DNAH14: variants seen among roughly 807,000 people sequenced by gnomAD.
The protein encoded by DNAH14 is axonemal beta dynein heavy chain 14.
A neutral mutation model predicts 520.9 loss-of-function variants in DNAH14; 478 were observed. The observed-to-expected ratio is 0.92, with a 90% CI of 0.85 to 0.99. DNAH14 has a LOEUF of 0.99. Ranked by LOEUF, DNAH14 falls within the 50% of genes least tolerant of loss-of-function variation. The pLI, the probability that DNAH14 is intolerant of heterozygous loss-of-function variation, is 0.00. For missense variants in DNAH14, 4,831 were observed against 5,234.5 expected (o/e 0.92, Z 2.38); for synonymous variants, 1,581 against 1,757.2 (o/e 0.90, Z 2.51).
At position 225,089,464 on chromosome 1, in the gene DNAH14, A is replaced by AAG. The variant is rs1553439212; in HGVS notation, c.3573+3680_3573+3681dup. Among the ~76,000 whole-genome samples, 871 of 137,490 alleles carry AAG rather than the reference A, an allele frequency of 6.3e-3. 3 individuals carry two copies. The highest frequency in any genetic ancestry group is 0.011 in the Non-Finnish European group (670 of 62,354). The allele number at this position is 137,490 out of a possible 152,430, so 90.2% of individuals were successfully genotyped here. Reference sequence around the variant, plus strand: ...CGTCAAAAAAAAAAAAAAAAAAAAAAAGAGAGCGAGAGAAAGAAAAGAAAA... The same window carrying AAG: ...CGTCAAAAAAAAAAAAAAAAAAAAAAAGAGAGAGCGAGAGAAAGAAAAGAAAA... On this transcript the variant is annotated intron_variant, in intron 21 of 85. Coordinates refer to ENST00000682510, the MANE Select transcript of DNAH14 (RefSeq NM_001367479.1).
intron 23 of DNAH14, among the ~76,000 whole-genome samples, chr1:225,101,382 T>C (rs138268493): frequency 0.016 from 2,363 of 152,216 alleles, 20 homozygotes; most frequent in Non-Finnish European, 0.025. Flanking sequence ...AATCTTTTAG[T>C]TATTTTTAAA....
intron 31 of DNAH14, among the ~76,000 whole-genome samples, chr1:225,148,562 C>T (rs552084714): frequency 5.3e-5 from 8 of 151,904 alleles, no homozygotes; most frequent in African/African-American, 9.6e-5. Flanking sequence ...CCAGCATGCC[C>T]GGCTAATTTT....
chr1:225,234,980 G>A (rs2091468634), intron 42 of DNAH14, among the ~76,000 whole-genome samples: 1 of 152,144 alleles, frequency 6.6e-6, no homozygotes, highest in Admixed American at 6.5e-5. Context: ...ATAGGATCAT[G>A]TCATCTACAA....
rs550507033 is a variant in DNAH14, at chr1:225,200,874, C to T, written c.5887-3309C>T. On this transcript the variant is annotated intron_variant, in intron 38 of 85. Coordinates refer to ENST00000682510, the MANE Select transcript of DNAH14 (RefSeq NM_001367479.1). ...TGCAATGAATTTCCCAGGTGTTCAT[C>T]GAGCTTCTTGTATTTAAATGTCTAG... Among the ~76,000 whole-genome samples, 5 of 152,016 alleles carry T rather than the reference C, an allele frequency of 3.3e-5. 1 individual carries two copies. The highest frequency in any genetic ancestry group is 9.7e-5 in the African/African-American group (4 of 41,380).
chr1:225,367,982 G>A lies in DNAH14; in HGVS notation c.12268G>A (p.Gly4090Arg), dbSNP rs942433822. 14 of 1,550,904 alleles carry A rather than the reference G, an allele frequency of 9.0e-6. No individual in the cohort carries two copies. Among genetic ancestry groups the A allele is most frequent in the African/African-American group, 2.7e-5 (2 of 73,020 alleles). The change falls in exon 77 of 86, where the codon GGA becomes AGA. Residue 4090 changes from glycine to arginine, a missense_variant. Gly to Arg is a moderately radical substitution (Grantham distance 125, BLOSUM62 -2). Coordinates refer to ENST00000682510, the MANE Select transcript of DNAH14 (RefSeq NM_001367479.1). ...TGTAATCAATGAAAGAAAAAATTACGGAATATTGGGCTGGAATATTGCTTA... is the reference window on the plus strand; with the variant it reads ...TGTAATCAATGAAAGAAAAAATTACAGAATATTGGGCTGGAATATTGCTTA... ...NAVINERKNY[G>R]ILGWNIAYKF...
chr1:225,070,374 T>C (rs2071415367), intron 17 of DNAH14, among the ~76,000 whole-genome samples: 1 of 152,192 alleles, frequency 6.6e-6, no homozygotes, highest in Non-Finnish European at 1.5e-5. Context: ...AATACTGCCT[T>C]AGCTATGTCT....
chr1:224,976,551 A>G (rs917765955), intron 8 of DNAH14, among the ~76,000 whole-genome samples: 1 of 152,278 alleles, frequency 6.6e-6, no homozygotes, highest in Admixed American at 6.5e-5. Context: ...TGAACAGGCA[A>G]CCTACAAAAT....
Position 225,168,011 on chromosome 1 carries a change from T to G in DNAH14, c.5518T>G (p.Phe1840Val). Residue 1840 changes from phenylalanine to valine, a missense_variant, in exon 36 of 86, where the codon TTT becomes GTT. Physicochemically the swap from Phe to Val is conservative, Grantham distance 50. Transcript: ENST00000682510. ...WSSQKEKIIQFYNQLQVCVGV... is the reference protein window; with the variant it reads ...WSSQKEKIIQVYNQLQVCVGV... ...ATCTCAGAAAGAGAAGATTATACAG[T>G]TTTATAATCAACTTCAGGTAAGTAT... The G allele has an allele frequency of 6.5e-7, 1 of 1,529,516 alleles. No individual in the cohort carries two copies. Among genetic ancestry groups the G allele is most frequent in the Admixed American group, 2.1e-5 (1 of 48,698 alleles). The allele number at this position is 1,529,516 out of a possible 1,614,324, so 94.7% of individuals were successfully genotyped here. A position where few individuals can be genotyped will look rare whatever the true frequency, so the allele number is the denominator to read the frequency against.
At chr1:225,059,875 A>T (rs979180856) in intron 17 of DNAH14, among the ~76,000 whole-genome samples, 8 of 152,242 alleles carry the variant, frequency 5.3e-5, no homozygotes, top group African/African-American at 1.9e-4. Flanking sequence ...TCTGACTTGC[A>T]GAGTTTCTGC....
intron 1 of DNAH14, among the ~76,000 whole-genome samples, chr1:224,942,817 T>G (rs561574025): frequency 6.6e-6 from 1 of 152,174 alleles, no homozygotes; most frequent in African/African-American, 2.4e-5. Context: ...TATTGATTTG[T>G]GTATGTTGAA....
chr1:225,096,912 A>G (rs1308611290), intron 21 of DNAH14, among the ~76,000 whole-genome samples: 1 of 152,196 alleles, frequency 6.6e-6, no homozygotes, highest in African/African-American at 2.4e-5. Flanking sequence ...TATAATAAAT[A>G]TGACAGAAAA....
chr1:225,026,550 C>T (rs1028076635), intron 11 of DNAH14, among the ~76,000 whole-genome samples: 14 of 152,260 alleles, frequency 9.2e-5, no homozygotes, highest in South Asian at 4.1e-4. Flanking sequence ...TTGGCACCCT[C>T]GTTGACAATC....
chr1:225,060,294 A>C (rs1265183703), intron 17 of DNAH14, among the ~76,000 whole-genome samples: 2 of 152,008 alleles, frequency 1.3e-5, no homozygotes, highest in Non-Finnish European at 2.9e-5. Context: ...CCTTTCTTCC[A>C]GTTGATCGAA....
intron 42 of DNAH14, among the ~76,000 whole-genome samples, chr1:225,238,774 C>G (rs927155453): frequency 6.6e-6 from 1 of 151,878 alleles, no homozygotes; most frequent in Non-Finnish European, 1.5e-5. Flanking sequence ...GGAGCTCCAT[C>G]CCAGGGAGAG....
At chr1:224,953,910 T>C (rs927935300) in intron 2 of DNAH14, among the ~76,000 whole-genome samples, 3 of 152,162 alleles carry the variant, frequency 2.0e-5, no homozygotes, top group Non-Finnish European at 2.9e-5. Flanking sequence ...TAAGAAGCCA[T>C]AAACAATACA....
intron 10 of DNAH14, among the ~76,000 whole-genome samples, chr1:225,017,563 G>A (rs1397126959): frequency 6.6e-6 from 1 of 152,130 alleles, no homozygotes; most frequent in Non-Finnish European, 1.5e-5. Flanking sequence ...TCCCCCATTG[G>A]AACACTTTTG....
intron 31 of DNAH14, among the ~76,000 whole-genome samples, chr1:225,148,340 G>A (rs1248208271): frequency 6.7e-6 from 1 of 149,466 alleles, no homozygotes; most frequent in Non-Finnish European, 1.5e-5. Context: ...ACTGATGTGA[G>A]ATAGTATCTC....
Position 225,289,987 on chromosome 1 carries a change from A to T in DNAH14, c.8374A>T (p.Ile2792Phe), listed in dbSNP as rs566339712. 2 of 1,543,906 alleles carry T rather than the reference A, an allele frequency of 1.3e-6. No homozygotes were observed. Among genetic ancestry groups the T allele is most frequent in the African/African-American group, 2.7e-5 (2 of 72,914 alleles). ...GCCTATATCTCACAAATGTGCCTAC[A>T]TCGAATTCAAAGAAGTCTTTAAAAA... Reference protein sequence around the residue: ...RVPISHKCAYIEFKEVFKKVF... With the variant: ...RVPISHKCAYFEFKEVFKKVF... Residue 2792 changes from isoleucine to phenylalanine, a missense_variant, in exon 55 of 86, where the codon ATC (isoleucine) becomes TTC (phenylalanine). Physicochemically the swap from Ile to Phe is conservative, Grantham distance 21 (BLOSUM62 0). Coordinates refer to ENST00000682510, the MANE Select transcript of DNAH14 (RefSeq NM_001367479.1).
chr1:225,390,063 C>G (rs1252618742), intron 83 of DNAH14, among the ~76,000 whole-genome samples, 190 bp downstream of exon 83: 4 of 152,118 alleles, frequency 2.6e-5, no homozygotes, highest in Non-Finnish European at 5.9e-5. Flanking sequence ...TCACCCCAAC[C>G]TCCTCACATG....
Sources: allele counts gnomAD v4.1 joint callset (sites outside exome capture counted in the v4.1 genomes callset), GRCh38; gene constraint gnomAD v4.1.1; transcripts MANE v1.5; gene names NCBI Gene and HGNC (gene_info 2026-07-23, HGNC 2026-07-21).